The following DCAF10 variants were observed in gnomAD, a reference collection of about 807,000 sequenced individuals.
DCAF10 encodes the protein DDB1 and CUL4 associated factor 10.
A neutral mutation model predicts 51.9 loss-of-function variants in DCAF10; 19 were observed. That is an observed-to-expected ratio of 0.37 (90% CI 0.26 to 0.54). The LOEUF (loss-of-function observed/expected upper bound fraction) is 0.54. Among genes scored for constraint, DCAF10 ranks in the 20% least tolerant of loss-of-function variants. DCAF10 has a pLI of 0.87. For missense variants in DCAF10, 510 were observed against 730.6 expected (o/e 0.70, Z 3.48); for synonymous variants, 291 against 297.1 (o/e 0.98, Z 0.21).
rs1474803679 is a variant in DCAF10 at position 37,864,712 on chromosome 9, G to GT, written c.*3205dup. On this transcript the variant is annotated 3_prime_UTR_variant, in exon 7 of 7. Transcript: ENST00000377724. ...ACATTCAAAAGAAGTTTCATAAATC[G>GT]TATCAACTCTGGAAAGAGTTCATGT... 2 of 152,002 alleles carry GT rather than the reference G, an allele frequency of 1.3e-5. No individual in the cohort carries two copies. Among genetic ancestry groups the GT allele is most frequent in the African/African-American group, 2.4e-5 (1 of 41,382 alleles). 9.4% of individuals were successfully genotyped at this position (152,002 alleles called of 1,614,324 possible).
chr9:37,801,577 C>G lies in DCAF10; in HGVS notation c.539+172C>G. The G allele has an allele frequency of 1.2e-6, 1 of 861,414 alleles. No individual in the cohort carries two copies. 53.4% of individuals were successfully genotyped at this position (861,414 alleles called of 1,614,324 possible). A position where few individuals can be genotyped will look rare whatever the true frequency, so the allele number is the denominator to read the frequency against. ...TGAAGCGCATTCTCGCCCTTGGAAT[C>G]CCCAGCCCAGCTTTTTGAGGCAGGC... On this transcript the variant is annotated intron_variant, in intron 1 of 6. Transcript: ENST00000377724. This position sits in a 1 kb window ranked among gnomAD's most constrained non-coding sequence, Gnocchi z 5.5.
chr9:37,819,787 C>G (rs1219734876), intron 2 of DCAF10, among the ~76,000 whole-genome samples: 1 of 152,154 alleles, frequency 6.6e-6, no homozygotes, highest in East Asian at 1.9e-4. Flanking sequence ...GAAATACAGA[C>G]TGTTAAGAGG....
chr9:37,835,145 A>G (rs570449720), intron 2 of DCAF10, among the ~76,000 whole-genome samples: 4 of 152,254 alleles, frequency 2.6e-5, no homozygotes, highest in African/African-American at 9.6e-5. Flanking sequence ...TTTAGAAAGC[A>G]TCATCAGGGC....
At chr9:37,836,023 A>G in intron 2 of DCAF10, 1 of 1,043,920 alleles carries the variant, frequency 9.6e-7, no homozygotes, top group Non-Finnish European at 1.5e-6. Flanking sequence ...CACGGCCCCA[A>G]ACGCCGTCCG....
chr9:37,866,345 C>T lies in DCAF10; in HGVS notation c.*4837C>T, dbSNP rs1054381260. ...TTCATAATGTATTATTATAAGTATC[C>T]AGCTCTGATGTATGTAAAACACTTC... On this transcript the variant is annotated 3_prime_UTR_variant, in exon 7 of 7. Transcript: ENST00000377724. The T allele has an allele frequency of 6.6e-6, 1 of 152,460 alleles. No homozygotes were observed. The highest frequency in any genetic ancestry group is 1.5e-5 in the Non-Finnish European group (1 of 68,010). 9.4% of individuals were successfully genotyped at this position (152,460 alleles called of 1,614,324 possible).
chr9:37,861,567 T>G lies in DCAF10; in HGVS notation c.*59T>G, dbSNP rs1831018281. On this transcript the variant is annotated 3_prime_UTR_variant, in exon 7 of 7. Coordinates refer to ENST00000377724, the MANE Select transcript of DCAF10 (RefSeq NM_024345.5). This position sits in a 1 kb window ranked among gnomAD's most constrained non-coding sequence, Gnocchi z 4.9. ...TGTTTGACTTAGGAATTGCTTCAAT[T>G]TAGATGAAGTATTTTCTTTTTAGAA... 6.5e-7 allele frequency: 1 copy of G among 1,537,726 alleles called. No individual in the cohort carries two copies. Among genetic ancestry groups the G allele is most frequent in the Non-Finnish European group, 8.7e-7 (1 of 1,144,822 alleles).
At chr9:37,805,674 A>C (rs1479454762) in intron 1 of DCAF10, among the ~76,000 whole-genome samples, 1 of 152,214 alleles carries the variant, frequency 6.6e-6, no homozygotes, top group African/African-American at 2.4e-5. Flanking sequence ...AAAAGAAGGC[A>C]AGAAAGGAAA....
intron 2 of DCAF10, among the ~76,000 whole-genome samples, chr9:37,825,411 TG>T (rs1829821467): frequency 6.6e-6 from 1 of 152,350 alleles, no homozygotes. Flanking sequence ...AATGAGATCA[TG>T]TCCTTTGCAG....
intron 1 of DCAF10, among the ~76,000 whole-genome samples, chr9:37,814,770 T>G (rs1313271392): frequency 6.6e-6 from 1 of 152,164 alleles, no homozygotes; most frequent in African/African-American, 2.4e-5. Flanking sequence ...TTTTATAGAC[T>G]AGCACTACCA....
intron 2 of DCAF10, among the ~76,000 whole-genome samples, chr9:37,839,369 T>G (rs1173116702): frequency 6.6e-6 from 1 of 152,156 alleles, no homozygotes; most frequent in Non-Finnish European, 1.5e-5. Context: ...CGATTTTTTT[T>G]CATTAAAAAT....
chr9:37,810,801 T>G (rs1829319960), intron 1 of DCAF10, among the ~76,000 whole-genome samples: 1 of 152,032 alleles, frequency 6.6e-6, no homozygotes, highest in Non-Finnish European at 1.5e-5. Flanking sequence ...GTGGGATAGA[T>G]GAGATTACAA....
intron 3 of DCAF10, among the ~76,000 whole-genome samples, chr9:37,844,242 C>T (rs150182411): frequency 0.018 from 2,738 of 152,332 alleles, 54 homozygotes; most frequent in Admixed American, 0.051. Context: ...AAAAATGGGC[C>T]GGGCATGGTG....
intron 3 of DCAF10, 43 bp from the exon 4 acceptor site, chr9:37,854,737 T>C: frequency 6.4e-7 from 1 of 1,560,322 alleles, no homozygotes; most frequent in South Asian, 1.2e-5. Context: ...AACCGTTATA[T>C]TTATGATAAC....
Position 37,811,745 on chromosome 9 carries a change from G to T in DCAF10, c.540-7543G>T, listed in dbSNP as rs778587751. ...GATATGTCATAAGATACAGGGAAAAGATCTTATAAATATAAATGGAGTTTC... is the reference window on the plus strand; with the variant it reads ...GATATGTCATAAGATACAGGGAAAATATCTTATAAATATAAATGGAGTTTC... On this transcript the variant is annotated intron_variant, in intron 1 of 6. Coordinates refer to ENST00000377724, the MANE Select transcript of DCAF10 (RefSeq NM_024345.5). Among the ~76,000 whole-genome samples, 56 of 152,248 alleles carry T rather than the reference G, an allele frequency of 3.7e-4. No homozygotes were observed. The Middle Eastern group carries it at 0.01, about 28-fold the overall frequency.
intron 1 of DCAF10, among the ~76,000 whole-genome samples, chr9:37,806,279 T>G (rs1347735452): frequency 6.6e-6 from 1 of 152,172 alleles, no homozygotes; most frequent in Non-Finnish European, 1.5e-5. Context: ...TCTTAATGCT[T>G]CATCGCCTTC....
intron 3 of DCAF10, among the ~76,000 whole-genome samples, chr9:37,851,680 G>A (rs10123617): frequency 0.044 from 6,570 of 150,994 alleles, 470 homozygotes; most frequent in African/African-American, 0.15. Flanking sequence ...TTGTAATCCC[G>A]GTTACTCGGG....
At chr9:37,815,900 C>T (rs1040379842) in intron 1 of DCAF10, among the ~76,000 whole-genome samples, 1 of 152,036 alleles carries the variant, frequency 6.6e-6, no homozygotes, top group Non-Finnish European at 1.5e-5. Flanking sequence ...CTCAGCTGAT[C>T]CTCCCACCTC....
At chr9:37,856,769 A>G (rs893162110) in intron 4 of DCAF10, among the ~76,000 whole-genome samples, 6 of 152,190 alleles carry the variant, frequency 3.9e-5, no homozygotes, top group African/African-American at 1.4e-4. Flanking sequence ...CCTGGGCAAC[A>G]TAGCAAGATC....
chr9:37,824,728 T>G (rs12000917), intron 2 of DCAF10, among the ~76,000 whole-genome samples: 29,135 of 151,976 alleles, frequency 0.19, 3,204 homozygotes, highest in African/African-American at 0.29. Flanking sequence ...TCTATTGATA[T>G]ATGTTTAGCA....
Sources: allele counts gnomAD v4.1 joint callset (sites outside exome capture counted in the v4.1 genomes callset), GRCh38; gene constraint gnomAD v4.1.1; non-coding constraint Gnocchi (gnomAD v3.1); transcripts MANE v1.5; gene names NCBI Gene and HGNC (gene_info 2026-07-23, HGNC 2026-07-21).